Variants in TRDN observed in about 807,000 individuals in gnomAD.
The protein encoded by TRDN is triadin.
TRDN carries 161 observed loss-of-function variants against 149.7 expected under a neutral mutation model. That is an observed-to-expected ratio of 1.08 (90% CI 0.95 to 1.23). The LOEUF (loss-of-function observed/expected upper bound fraction) is 1.23, where lower values mean the gene tolerates loss of function less well. Ranked by LOEUF, TRDN falls within the 50% of genes most tolerant of loss-of-function variation. TRDN has a pLI of 0.00. For missense variants in TRDN, 896 were observed against 823.5 expected (o/e 1.09, Z -1.08); for synonymous variants, 294 against 250.5 (o/e 1.17, Z -1.64).
At chr6:123,416,110 T>C (rs974571184) in intron 12 of TRDN, among the ~76,000 whole-genome samples, 1 of 152,182 alleles carries the variant, frequency 6.6e-6, no homozygotes, top group African/African-American at 2.4e-5. Flanking sequence ...GCAGTGTCAC[T>C]AAAGTTAAGG....
chr6:123,499,719 A>AATATAT lies in TRDN; in HGVS notation c.794-2473_794-2468dup, dbSNP rs71272328. Among the ~76,000 whole-genome samples the AATATAT allele has an allele frequency of 4.8e-4, 23 of 47,666 alleles. 1 individual carries two copies. The highest frequency in any genetic ancestry group is 5.8e-4 in the Non-Finnish European group (13 of 22,300). 31.3% of individuals were successfully genotyped at this position (47,666 alleles called of 152,430 possible). ...ATTCTGGCTCAAAAAAAAAAAAAAA[A>AATATAT]ATATATATATATATATATATATATA... On this transcript the variant is annotated intron_variant, in intron 8 of 40. Coordinates refer to ENST00000334268, the MANE Select transcript of TRDN (RefSeq NM_006073.4).
intron 20 of TRDN, among the ~76,000 whole-genome samples, chr6:123,356,763 A>T (rs1396903902): frequency 6.6e-6 from 1 of 150,852 alleles, no homozygotes; most frequent in African/African-American, 2.4e-5. Context: ...TAATTTTATT[A>T]AAATGTTTTA....
chr6:123,407,938 T>C (rs1773263867), intron 12 of TRDN, among the ~76,000 whole-genome samples: 1 of 152,208 alleles, frequency 6.6e-6, no homozygotes, highest in Non-Finnish European at 1.5e-5. Flanking sequence ...GTAGCAATAT[T>C]GTAAACACAT....
At chr6:123,268,047 T>A (rs539922265) in intron 31 of TRDN, among the ~76,000 whole-genome samples, 2 of 152,102 alleles carry the variant, frequency 1.3e-5, no homozygotes, top group African/African-American at 4.8e-5. Context: ...AAAAGGAGAA[T>A]AAGAATATTG....
chr6:123,536,625 C>A (rs1038897519), intron 4 of TRDN, among the ~76,000 whole-genome samples: 2 of 151,208 alleles, frequency 1.3e-5, no homozygotes, highest in Non-Finnish European at 2.9e-5. Flanking sequence ...CTGAGTTGGG[C>A]AGATTGCTTG....
intron 23 of TRDN, among the ~76,000 whole-genome samples, chr6:123,325,025 C>A (rs1779387898): frequency 6.6e-6 from 1 of 151,980 alleles, no homozygotes; most frequent in Non-Finnish European, 1.5e-5. Flanking sequence ...CCTGATTGGT[C>A]TTTTTTATTA....
At chr6:123,446,038 A>G (rs962450874) in intron 10 of TRDN, among the ~76,000 whole-genome samples, 28 of 151,390 alleles carry the variant, frequency 1.8e-4, no homozygotes, top group Non-Finnish European at 3.5e-4. Flanking sequence ...CATATACTCC[A>G]TGGAATACTA....
chr6:123,411,550 A>G (rs988201308), intron 12 of TRDN, among the ~76,000 whole-genome samples: 2 of 152,274 alleles, frequency 1.3e-5, no homozygotes, highest in African/African-American at 2.4e-5. Flanking sequence ...GAAGGAAGGC[A>G]CCAAAGAGGA....
At chr6:123,451,570 C>A (rs180936209) in intron 10 of TRDN, among the ~76,000 whole-genome samples, 21 of 152,018 alleles carry the variant, frequency 1.4e-4, no homozygotes, top group Admixed American at 1.3e-3. Context: ...ATACCCTAAG[C>A]AGACCAATAA....
chr6:123,624,602 T>C (rs1562139016), intron 1 of TRDN, among the ~76,000 whole-genome samples: 1 of 152,182 alleles, frequency 6.6e-6, no homozygotes. Context: ...ACAAGACCAC[T>C]GGCCTGACCA....
intron 1 of TRDN, among the ~76,000 whole-genome samples, chr6:123,631,820 A>AATCCT (rs1320791295): frequency 2.0e-5 from 3 of 152,028 alleles, no homozygotes; most frequent in Non-Finnish European, 2.9e-5. Context: ...ACTAATGGCC[A>AATCCT]ATCCTACCCC....
chr6:123,312,270 T>C (rs2114691282), intron 24 of TRDN, among the ~76,000 whole-genome samples: 1 of 152,076 alleles, frequency 6.6e-6, no homozygotes, highest in Admixed American at 6.6e-5. Flanking sequence ...AAAGTTATGC[T>C]TCTGACCCAT....
chr6:123,559,989 A>G (rs1367760237), intron 2 of TRDN, among the ~76,000 whole-genome samples: 1 of 152,176 alleles, frequency 6.6e-6, no homozygotes, highest in Admixed American at 6.5e-5. Context: ...GTACTGCCAC[A>G]AGGCTTCACA....
chr6:123,391,730 C>T (rs1341751012), intron 13 of TRDN, among the ~76,000 whole-genome samples: 1 of 151,836 alleles, frequency 6.6e-6, no homozygotes, highest in Non-Finnish European at 1.5e-5. Context: ...TTTAATATGT[C>T]CTTTGTTGTA....
chr6:123,576,815 T>C (rs190764193), intron 1 of TRDN, among the ~76,000 whole-genome samples: 51 of 152,168 alleles, frequency 3.4e-4, no homozygotes, highest in African/African-American at 1.2e-3. Flanking sequence ...AAAAAGAAAT[T>C]CACTTAATGG....
intron 2 of TRDN, among the ~76,000 whole-genome samples, chr6:123,553,568 T>A (rs1371456528): frequency 6.6e-6 from 1 of 152,170 alleles, no homozygotes; most frequent in African/African-American, 2.4e-5. Flanking sequence ...GTTTCCATAC[T>A]GCTGATAAAG....
At chr6:123,504,930 C>T (rs1028162128) in intron 7 of TRDN, among the ~76,000 whole-genome samples, 2 of 152,046 alleles carry the variant, frequency 1.3e-5, no homozygotes, top group Non-Finnish European at 2.9e-5. Context: ...ACTGTGTAGC[C>T]TTTATTGTCA....
chr6:123,432,858 A>G (rs1248091733), intron 12 of TRDN, among the ~76,000 whole-genome samples: 1 of 151,854 alleles, frequency 6.6e-6, no homozygotes, highest in Non-Finnish European at 1.5e-5. Flanking sequence ...ATCTCTGGCA[A>G]TTTCTTTCAG....
chr6:123,327,358 A>C (rs1020379107), intron 23 of TRDN, among the ~76,000 whole-genome samples: 2 of 152,044 alleles, frequency 1.3e-5, no homozygotes, highest in African/African-American at 4.8e-5. Flanking sequence ...TGTCCTTTCA[A>C]GTTTAAAGAC....
Sources: gnomAD v4.1 joint callset for allele counts (sites outside exome capture counted in the v4.1 genomes callset) on GRCh38, gnomAD v4.1.1 for gene constraint, MANE v1.5 for transcripts, NCBI Gene and HGNC (gene_info 2026-07-23, HGNC 2026-07-21) for gene names.